UNC79: variants seen among roughly 807,000 people sequenced by gnomAD.
The protein encoded by UNC79 is unc-79 subunit of NALCN channel complex, also known as protein unc-79 homolog.
UNC79 carries 37 observed loss-of-function variants against 283.1 expected under a neutral mutation model. The ratio of observed to expected loss-of-function variants is 0.13; its 90% CI spans 0.10 to 0.17. The LOEUF is 0.17. Among genes scored for constraint, UNC79 ranks in the 10% least tolerant of loss-of-function variants. UNC79 has a pLI of 1.00. For missense variants in UNC79, 2,272 were observed against 3,211.1 expected, an observed-to-expected ratio of 0.71 and a Z score of 7.07; for synonymous variants, 1,107 against 1,200.2, an observed-to-expected ratio of 0.92 and a Z score of 1.61.
At chr14:93,382,974 A>C (rs2054695047) in intron 1 of UNC79, among the ~76,000 whole-genome samples, 1 of 152,250 alleles carries the variant, frequency 6.6e-6, no homozygotes, top group Non-Finnish European at 1.5e-5. Flanking sequence ...TTTAAGATAG[A>C]ATATGATAAA....
chr14:93,461,327 C>CT (rs1190088501), intron 1 of UNC79, among the ~76,000 whole-genome samples: 2 of 152,192 alleles, frequency 1.3e-5, no homozygotes, highest in African/African-American at 4.8e-5. Flanking sequence ...AGATTTAAAA[C>CT]TTACGTTTTA....
intron 4 of UNC79, among the ~76,000 whole-genome samples, chr14:93,485,918 A>G (rs2058397618): frequency 6.6e-6 from 1 of 152,238 alleles, no homozygotes; most frequent in Non-Finnish European, 1.5e-5. Flanking sequence ...TGTAAAAAGA[A>G]AAGAATTGTG....
intron 7 of UNC79, among the ~76,000 whole-genome samples, chr14:93,503,450 A>G (rs1457754941): frequency 6.6e-6 from 1 of 152,116 alleles, no homozygotes; most frequent in Non-Finnish European, 1.5e-5. Context: ...ATGTACATAT[A>G]TCCAACTTTA....
intron 5 of UNC79, among the ~76,000 whole-genome samples, chr14:93,489,468 T>C (rs925253333): frequency 6.6e-6 from 1 of 152,170 alleles, no homozygotes; most frequent in Non-Finnish European, 1.5e-5. Context: ...ATCAAACAAG[T>C]TATATGCCTC....
chr14:93,483,290 A>G (rs1236537980), intron 4 of UNC79, among the ~76,000 whole-genome samples: 2 of 152,194 alleles, frequency 1.3e-5, no homozygotes, highest in African/African-American at 2.4e-5. Flanking sequence ...ACTTCCTGTA[A>G]TGATGGAATG....
intron 11 of UNC79, among the ~76,000 whole-genome samples, chr14:93,535,833 TC>T (rs1212052470): frequency 2.0e-5 from 3 of 152,176 alleles, no homozygotes; most frequent in African/African-American, 7.2e-5. Flanking sequence ...TTTATAAGCA[TC>T]ATTTCTGTCA....
chr14:93,388,586 A>G (rs1245044632), intron 1 of UNC79, among the ~76,000 whole-genome samples: 1 of 152,236 alleles, frequency 6.6e-6, no homozygotes, highest in Non-Finnish European at 1.5e-5. Flanking sequence ...TATTCCAACC[A>G]GTGATGCATG....
intron 7 of UNC79, among the ~76,000 whole-genome samples, chr14:93,503,708 G>T (rs1481890017): frequency 6.6e-6 from 1 of 151,880 alleles, no homozygotes; most frequent in Non-Finnish European, 1.5e-5. Context: ...CCTCTTATAT[G>T]ATCTTGGTCA....
intron 22 of UNC79, among the ~76,000 whole-genome samples, chr14:93,592,207 C>A (rs2064740825): frequency 7.1e-6 from 1 of 140,036 alleles, no homozygotes; most frequent in Non-Finnish European, 1.5e-5. Context: ...CTGAGTCTCG[C>A]TCTGTCGCCC....
At chr14:93,682,359 A>AT (rs1370143977) in intron 41 of UNC79, among the ~76,000 whole-genome samples, 11 of 152,160 alleles carry the variant, frequency 7.2e-5, no homozygotes, top group Non-Finnish European at 8.8e-5. Context: ...GACATCTTTT[A>AT]TTTTTTCTTT....
chr14:93,532,510 CTCTT>C, intron 10 of UNC79, 36 bp from the exon 11 acceptor site: 1 of 1,596,624 alleles, frequency 6.3e-7, no homozygotes, highest in Non-Finnish European at 8.5e-7. Flanking sequence ...TAGAGGGGCT[CTCTT>C]TCTTTGTTGA....
chr14:93,379,458 A>G (rs2054621460), intron 1 of UNC79, among the ~76,000 whole-genome samples: 2 of 152,146 alleles, frequency 1.3e-5, no homozygotes, highest in South Asian at 4.1e-4. Context: ...TAAAGGTTTC[A>G]TGACTTTAAG....
chr14:93,358,321 G>T (rs2054153916), intron 1 of UNC79, among the ~76,000 whole-genome samples: 2 of 152,112 alleles, frequency 1.3e-5, no homozygotes. Context: ...TTGGTTGGTT[G>T]CTCCTAAGTT....
chr14:93,398,028 G>T (rs1316327047), intron 1 of UNC79, among the ~76,000 whole-genome samples: 3 of 152,086 alleles, frequency 2.0e-5, no homozygotes, highest in African/African-American at 4.8e-5. Flanking sequence ...GACAAATTTT[G>T]CCAGTTTTCT....
rs372267653 is a variant in UNC79 at position 93,706,699 on chromosome 14, G to A, written c.7591-5G>A. On this transcript the variant is annotated splice_region_variant and splice_polypyrimidine_tract_variant and intron_variant, in intron 48 of 48. Coordinates refer to ENST00000555664, the Ensembl canonical transcript of UNC79. Reference sequence around the variant, plus strand: ...AAACTAAAACCTCTTGCCCTTTTTCGACAGCACTTATCTGCGGGACTCCAG... The same window carrying A: ...AAACTAAAACCTCTTGCCCTTTTTCAACAGCACTTATCTGCGGGACTCCAG... 52 of 1,613,288 alleles carry A rather than the reference G, an allele frequency of 3.2e-5. No homozygotes were observed. Among genetic ancestry groups the A allele is most frequent in the African/African-American group, 1.1e-4 (8 of 74,844 alleles).
intron 45 of UNC79, chr14:93,691,299 G>A (rs139437356): frequency 2.2e-5 from 4 of 183,806 alleles, no homozygotes; most frequent in East Asian, 2.4e-4. Flanking sequence ...GAGGATCTCC[G>A]CTGCTGCTGC....
intron 7 of UNC79, among the ~76,000 whole-genome samples, chr14:93,519,957 G>A (rs1028616967): frequency 4.6e-5 from 7 of 151,648 alleles, no homozygotes; most frequent in African/African-American, 1.5e-4. Flanking sequence ...GAGTAAAAAA[G>A]CCTTCTGTAG....
chr14:93,410,607 A>G (rs1415911281), intron 1 of UNC79, among the ~76,000 whole-genome samples: 1 of 152,174 alleles, frequency 6.6e-6, no homozygotes, highest in Non-Finnish European at 1.5e-5. Flanking sequence ...TTTGTCTTGC[A>G]TATTGGATAC....
At chr14:93,561,648 A>G (rs1244467606) in intron 14 of UNC79, among the ~76,000 whole-genome samples, 3 of 152,144 alleles carry the variant, frequency 2.0e-5, no homozygotes, top group Non-Finnish European at 4.4e-5. Flanking sequence ...TGGCATAAGA[A>G]TGGGAATGAG....
Sources: allele counts gnomAD v4.1 joint callset (sites outside exome capture counted in the v4.1 genomes callset), GRCh38; gene constraint gnomAD v4.1.1; transcripts MANE v1.5; gene names NCBI Gene and HGNC (gene_info 2026-07-23, HGNC 2026-07-21).